The following SDK1 variants were observed in gnomAD, a reference collection of about 807,000 sequenced individuals.
The protein encoded by SDK1 is sidekick cell adhesion molecule 1.
SDK1 carries 157 observed loss-of-function variants against 245.5 expected under a neutral mutation model. The ratio of observed to expected loss-of-function variants is 0.64; its 90% CI spans 0.56 to 0.73. SDK1 has a LOEUF of 0.73. SDK1 is among the 30% of genes least tolerant of loss of function. The pLI is 0.00. For synonymous variants in SDK1, 1,647 were observed against 1,278.5 expected (o/e 1.29, Z -6.15); for missense variants, 3,583 against 3,002.3 (o/e 1.19, Z -4.52).
chr7:4,006,064 C>G (rs1785465034), intron 14 of SDK1, among the ~76,000 whole-genome samples: 1 of 152,114 alleles, frequency 6.6e-6, no homozygotes, highest in South Asian at 2.1e-4. Context: ...GGGACCCTGT[C>G]TCAAAAAAGA....
intron 4 of SDK1, among the ~76,000 whole-genome samples, chr7:3,661,348 A>G (rs987150028): frequency 1.3e-5 from 2 of 152,222 alleles, no homozygotes; most frequent in Non-Finnish European, 2.9e-5. Flanking sequence ...ATGGAAATGC[A>G]TGCAAAACAG....
intron 1 of SDK1, among the ~76,000 whole-genome samples, chr7:3,391,535 C>T (rs1781748939): frequency 6.6e-6 from 1 of 151,688 alleles, no homozygotes. Flanking sequence ...AATTATTATA[C>T]CCAAAATATG....
At chr7:3,379,134 A>G (rs1781423343) in intron 1 of SDK1, among the ~76,000 whole-genome samples, 1 of 152,122 alleles carries the variant, frequency 6.6e-6, no homozygotes, top group African/African-American at 2.4e-5. Flanking sequence ...ATTTGCCATC[A>G]TTGGTCCCGT....
chr7:4,219,828 C>T (rs937526944), intron 38 of SDK1, among the ~76,000 whole-genome samples: 1 of 150,962 alleles, frequency 6.6e-6, no homozygotes, highest in African/African-American at 2.4e-5. Context: ...CCTCCCCTCC[C>T]CGCTCCTCCT....
chr7:3,595,553 C>G (rs1021624340), intron 1 of SDK1, among the ~76,000 whole-genome samples: 8 of 151,804 alleles, frequency 5.3e-5, no homozygotes, highest in Non-Finnish European at 8.8e-5. Flanking sequence ...TTTAATTATG[C>G]AGTTATAATT....
At chr7:3,797,526 A>T (rs1266875265) in intron 4 of SDK1, among the ~76,000 whole-genome samples, 3 of 151,854 alleles carry the variant, frequency 2.0e-5, no homozygotes, top group African/African-American at 7.3e-5. Flanking sequence ...AAAAAATTAG[A>T]TCATATTTTA....
intron 1 of SDK1, among the ~76,000 whole-genome samples, chr7:3,352,143 AAT>A (rs547204289): frequency 6.7e-6 from 1 of 149,148 alleles, no homozygotes; most frequent in South Asian, 2.1e-4. Context: ...TAAATATATA[AAT>A]ATATATTTAT....
intron 4 of SDK1, among the ~76,000 whole-genome samples, chr7:3,674,447 A>G (rs988409414): frequency 3.9e-5 from 6 of 152,042 alleles, no homozygotes; most frequent in Admixed American, 2.0e-4. Context: ...AAACATTTAG[A>G]GGAGAGGGTG....
intron 4 of SDK1, among the ~76,000 whole-genome samples, chr7:3,781,878 TAAAAG>T (rs1487891911): frequency 1.3e-5 from 2 of 151,968 alleles, no homozygotes; most frequent in East Asian, 3.9e-4. Context: ...AGCAAAAAGA[TAAAAG>T]AATGATAAAG....
At chr7:3,433,697 T>C (rs1417144418) in intron 1 of SDK1, among the ~76,000 whole-genome samples, 1 of 152,184 alleles carries the variant, frequency 6.6e-6, no homozygotes, top group African/African-American at 2.4e-5. Flanking sequence ...AATCTTTTTG[T>C]CATTCCAGCT....
chr7:3,558,312 C>A (rs1271469730), intron 1 of SDK1, among the ~76,000 whole-genome samples: 2 of 152,236 alleles, frequency 1.3e-5, no homozygotes, highest in East Asian at 3.8e-4. Context: ...ACCTAGGACA[C>A]ATTCTTTTTA....
chr7:4,191,484 C>T (rs1783205241), intron 35 of SDK1, among the ~76,000 whole-genome samples: 1 of 152,274 alleles, frequency 6.6e-6, no homozygotes, highest in Non-Finnish European at 1.5e-5. Flanking sequence ...CCTTAGCCAG[C>T]TTCTCTGGGA....
At chr7:3,404,627 C>A (rs1779003144) in intron 1 of SDK1, among the ~76,000 whole-genome samples, 1 of 152,218 alleles carries the variant, frequency 6.6e-6, no homozygotes, top group Non-Finnish European at 1.5e-5. Flanking sequence ...GAAAGCTTCT[C>A]TGGGCTGAAA....
At chr7:3,396,521 A>C (rs1227754562) in intron 1 of SDK1, among the ~76,000 whole-genome samples, 2 of 151,784 alleles carry the variant, frequency 1.3e-5, no homozygotes, top group African/African-American at 4.8e-5. Context: ...TGTCAGTTTT[A>C]GTTTTATGTA....
intron 1 of SDK1, among the ~76,000 whole-genome samples, chr7:3,532,122 A>G (rs888318391): frequency 6.6e-6 from 1 of 152,306 alleles, no homozygotes; most frequent in East Asian, 1.9e-4. Context: ...TATCTTTTCA[A>G]TCAGAGGATA....
intron 5 of SDK1, among the ~76,000 whole-genome samples, chr7:3,897,438 T>C (rs1454240681): frequency 1.3e-5 from 2 of 152,198 alleles, no homozygotes; most frequent in Non-Finnish European, 2.9e-5. Flanking sequence ...AGGCCTCATA[T>C]AAGTGGAGAC....
chr7:3,725,749 G>C lies in SDK1; in HGVS notation c.713+83644G>C, dbSNP rs114514484. On this transcript the variant is annotated intron_variant, in intron 4 of 44. Coordinates refer to ENST00000404826, the MANE Select transcript of SDK1 (RefSeq NM_152744.4). The stretch of plus-strand genomic sequence containing the variant: ...CAAGACCACTGGAGAGAAGAAAATT[G>C]CTAGTACCAGTGTGGGAGTTGTACT... Among the ~76,000 whole-genome samples the C allele has an allele frequency of 2.1e-3, 319 of 152,268 alleles. 2 individuals carry two copies. The highest frequency in any genetic ancestry group is 7.4e-3 in the African/African-American group (306 of 41,542).
intron 4 of SDK1, among the ~76,000 whole-genome samples, chr7:3,778,151 G>A (rs1780619714): frequency 6.6e-6 from 1 of 152,152 alleles, no homozygotes; most frequent in Non-Finnish European, 1.5e-5. Context: ...GTAGCAACCA[G>A]TAGTGTATAA....
intron 32 of SDK1, among the ~76,000 whole-genome samples, chr7:4,172,941 G>A (rs534009672): frequency 5.3e-5 from 8 of 152,120 alleles, no homozygotes; most frequent in African/African-American, 1.2e-4. Flanking sequence ...CCAATTGCAC[G>A]TGCAAAGACC....
Sources: allele counts gnomAD v4.1 joint callset (sites outside exome capture counted in the v4.1 genomes callset), GRCh38; gene constraint gnomAD v4.1.1; transcripts MANE v1.5; gene names NCBI Gene and HGNC (gene_info 2026-07-23, HGNC 2026-07-21).